CC2D2A: variants seen among roughly 807,000 people sequenced by gnomAD.
CC2D2A encodes coiled-coil and C2 domain containing 2A.
In CC2D2A, 155 loss-of-function variants were observed where a neutral mutation model predicts 212.9. The ratio of observed to expected loss-of-function variants is 0.73; its 90% CI spans 0.64 to 0.83. The LOEUF (loss-of-function observed/expected upper bound fraction) is 0.83, where lower values mean the gene tolerates loss of function less well. Among genes scored for constraint, CC2D2A ranks in the 40% least tolerant of loss-of-function variants. CC2D2A has a pLI of 0.00. For synonymous variants in CC2D2A, 667 were observed against 686.5 expected (o/e 0.97, Z 0.44); for missense variants, 1,856 against 1,956.2 (o/e 0.95, Z 0.97).
In CC2D2A at chr4:15,538,019, G is replaced by A. The variant is rs1306872313; in HGVS notation, c.1885G>A (p.Val629Met). ...PSPPEPTDRA[V>M]IEQEVRERAA... is the part of the protein sequence containing the mutation. ...CCCTCCAGAGCCCACTGATCGGGCA[G>A]TGATAGAGCAGGAGGTGAGGGAGAG... is the stretch of plus-strand genomic sequence containing the variant. Residue 629 changes from valine to methionine, a missense_variant, in exon 16 of 37, where the codon GTG becomes ATG. Physicochemically the swap from Val to Met is conservative, Grantham distance 21. This residue lies in a region of CC2D2A where 1,512 missense variants were observed against 1,579.3 expected (regional missense o/e 0.96). Coordinates refer to ENST00000424120, the MANE Select transcript of CC2D2A (RefSeq NM_001378615.1). 2 of 1,609,058 alleles carry A rather than the reference G, an allele frequency of 1.2e-6. No homozygotes were observed. Among genetic ancestry groups the A allele is most frequent in the Non-Finnish European group, 1.7e-6 (2 of 1,177,898 alleles).
Position 15,550,855 on chromosome 4 carries a change from C to T in CC2D2A, c.2213C>T (p.Thr738Ile). 8 of 1,594,444 alleles carry T rather than the reference C, an allele frequency of 5.0e-6. No homozygotes were observed. Among genetic ancestry groups the T allele is most frequent in the Non-Finnish European group, 6.9e-6 (8 of 1,164,800 alleles). Residue 738 changes from threonine (T) to isoleucine (I), a missense_variant, in exon 18 of 37, where the codon ACC (threonine) becomes ATC (isoleucine). By Grantham distance (89) the Thr-to-Ile change is moderately conservative. Coordinates refer to ENST00000424120, the MANE Select transcript of CC2D2A (RefSeq NM_001378615.1). The stretch of plus-strand genomic sequence containing the variant: ...GAAACTGTCGGACACAGTAGTCCCA[C>T]CTTGCTAGCAGAAGTGTTTCTGCCT... ...VYETVGHSSP[T>I]LLAEVFLPIP...
In CC2D2A at chr4:15,563,589, C is replaced by G. The variant is rs574134337; in HGVS notation, c.3182+67C>G. 1.2e-5 allele frequency: 18 copies of G among 1,489,274 alleles called. No individual in the cohort carries two copies. The Admixed American group carries it at 3.2e-4, about 27-fold the overall frequency. 92.3% of individuals were successfully genotyped at this position (1,489,274 alleles called of 1,614,324 possible). ...CCCAGCCAAGTCAATCGCTCCTTTACAGCATACTCACTCTCATTCTTAACG... is the reference window on the plus strand; with the variant it reads ...CCCAGCCAAGTCAATCGCTCCTTTAGAGCATACTCACTCTCATTCTTAACG... On this transcript the variant is annotated intron_variant, in intron 24 of 36. Transcript: ENST00000424120.
chr4:15,494,035 T>G (rs1046238274), intron 4 of CC2D2A, among the ~76,000 whole-genome samples: 2 of 152,190 alleles, frequency 1.3e-5, no homozygotes, highest in African/African-American at 4.8e-5. Context: ...CCTGAATACC[T>G]GTTAATATTT....
At chr4:15,599,501 A>G (rs1721478911) in intron 35 of CC2D2A, 28 bp from the exon 36 acceptor site, 3 of 1,465,944 alleles carry the variant, frequency 2.0e-6, no homozygotes, top group Non-Finnish European at 1.8e-6. Flanking sequence ...TGAGTCACCA[A>G]AAAATGGAAT....
At chr4:15,576,346 T>C in intron 29 of CC2D2A, 4 of 982,436 alleles carry the variant, frequency 4.1e-6, no homozygotes, top group Non-Finnish European at 4.8e-6. Context: ...CCTGGAATTG[T>C]TTTTCCACTT....
chr4:15,551,216 C>T (rs1008926470), intron 18 of CC2D2A, among the ~76,000 whole-genome samples: 2 of 152,192 alleles, frequency 1.3e-5, no homozygotes, highest in African/African-American at 2.4e-5. Context: ...AGTTGAGAAC[C>T]TTGAAAATGA....
At position 15,560,586 on chromosome 4, in the gene CC2D2A, C is replaced by A. The variant is rs748958736; in HGVS notation, c.2978C>A (p.Ala993Asp). Reference protein sequence around the residue: ...FLIAKQYFLLADMIVEEEVPN... With the variant: ...FLIAKQYFLLDDMIVEEEVPN... ...ATTGCAAAACAATATTTTCTTCTTGCTGATATGATAGTAGAAGAAGAAGTT... is the reference window on the plus strand; with the variant it reads ...ATTGCAAAACAATATTTTCTTCTTGATGATATGATAGTAGAAGAAGAAGTT... Residue 993 changes from alanine to aspartate, a missense_variant, in exon 23 of 37, where the codon GCT becomes GAT. By Grantham distance (126) the Ala-to-Asp change is moderately radical (BLOSUM62 -2). Coordinates refer to ENST00000424120, the MANE Select transcript of CC2D2A (RefSeq NM_001378615.1). 2.6e-6 allele frequency: 4 copies of A among 1,513,906 alleles called. No individual in the cohort carries two copies. Among genetic ancestry groups the A allele is most frequent in the Non-Finnish European group, 3.6e-6 (4 of 1,101,468 alleles). 93.8% of individuals were successfully genotyped at this position (1,513,906 alleles called of 1,614,324 possible).
At chr4:15,564,136 G>A (rs571540032) in intron 24 of CC2D2A, 1 of 152,502 alleles carries the variant, frequency 6.6e-6, no homozygotes, top group Admixed American at 6.5e-5. Flanking sequence ...AATGTGTTAC[G>A]ACTACTAGAA....
intron 24 of CC2D2A, among the ~76,000 whole-genome samples, chr4:15,566,278 C>T (rs532363448): frequency 2.3e-4 from 35 of 152,162 alleles, no homozygotes; most frequent in Non-Finnish European, 4.6e-4. Flanking sequence ...CCTGGTGAGG[C>T]TTGGCAGGCC....
rs754824046 is a variant in CC2D2A at position 15,567,722 on chromosome 4, T to G, written c.3334T>G (p.Cys1112Gly). The change falls in exon 26 of 37, where the codon TGC becomes GGC. Residue 1112 changes from cysteine to glycine, a missense_variant. Cys to Gly is a radical substitution (Grantham distance 159). This residue lies in a region of CC2D2A where 1,512 missense variants were observed against 1,579.3 expected (regional missense o/e 0.96). Coordinates refer to ENST00000424120, the MANE Select transcript of CC2D2A (RefSeq NM_001378615.1). Reference sequence around the variant, plus strand: ...AGAAGTCTCTTTTCAACGAACAGTTTGCCATACGACTACGGCTGAAGGACC... The same window carrying G: ...AGAAGTCTCTTTTCAACGAACAGTTGGCCATACGACTACGGCTGAAGGACC... ...FVEVSFQRTV[C>G]HTTTAEGPNP... 1 of 1,605,638 alleles carries G rather than the reference T, an allele frequency of 6.2e-7. No homozygotes were observed. Among genetic ancestry groups the G allele is most frequent in the South Asian group, 1.1e-5 (1 of 88,650 alleles).
At chr4:15,589,769 A>G in intron 33 of CC2D2A, 90 bp downstream of exon 33, 1 of 601,718 alleles carries the variant, frequency 1.7e-6, no homozygotes, top group Non-Finnish European at 2.3e-6. Context: ...TGTAACCAAA[A>G]TATTTATATA....
chr4:15,473,085 TGGCTATG>T (rs1028436814), intron 1 of CC2D2A: 4 of 152,218 alleles, frequency 2.6e-5, no homozygotes, highest in African/African-American at 9.7e-5. Flanking sequence ...TCCCAGAATG[TGGCTATG>T]GAACCACAGC....
chr4:15,475,965 T>G lies in CC2D2A; in HGVS notation c.33T>G (p.Ile11Met), dbSNP rs1560386272. 1 of 1,590,244 alleles carries G rather than the reference T, an allele frequency of 6.3e-7. No homozygotes were observed. The change falls in exon 2 of 37, where the codon ATT (isoleucine) becomes ATG (methionine). Residue 11 changes from isoleucine to methionine, a missense_variant. Physicochemically the swap from Ile to Met is conservative, Grantham distance 10 (BLOSUM62 1). This residue lies in a region of CC2D2A where 1,512 missense variants were observed against 1,579.3 expected (regional missense o/e 0.96). Transcript: ENST00000424120. MNPREEKVKIITEEFIENDED... is the reference protein window; with the variant it reads MNPREEKVKIMTEEFIENDED... ...CCAGGGAAGAAAAAGTAAAAATAAT[T>G]ACAGAGGTAAGTGGCCACTTTGATG...
rs756623039 is a variant in CC2D2A, at chr4:15,576,825, TGTTA to T, written c.3771+2505_3771+2508del. Among the ~76,000 whole-genome samples, 44 of 152,334 alleles carry T rather than the reference TGTTA, an allele frequency of 2.9e-4. No homozygotes were observed. The South Asian group carries it at 3.1e-3, about 11-fold the overall frequency. ...GCCCATTTCATTTTACCAGAAAGAC[TGTTA>T]GTTAGCTTTGAATCTAAGAAGTCAT... On this transcript the variant is annotated intron_variant, in intron 29 of 36. Transcript: ENST00000424120.
chr4:15,546,141 G>A (rs1456496645), intron 17 of CC2D2A, among the ~76,000 whole-genome samples: 1 of 152,036 alleles, frequency 6.6e-6, no homozygotes, highest in African/African-American at 2.4e-5. Context: ...AGAAGGATGA[G>A]ATTGGACTTC....
intron 4 of CC2D2A, among the ~76,000 whole-genome samples, chr4:15,482,892 C>T (rs1714778243): frequency 6.6e-6 from 1 of 152,132 alleles, no homozygotes; most frequent in South Asian, 2.1e-4. Flanking sequence ...CCTTCCCCCA[C>T]AAAAAGCGCT....
At chr4:15,578,635 T>C (rs886708934) in intron 29 of CC2D2A, among the ~76,000 whole-genome samples, 3 of 152,156 alleles carry the variant, frequency 2.0e-5, no homozygotes, top group African/African-American at 7.2e-5. Flanking sequence ...TTAAAATTAT[T>C]ATTCTTTTTT....
At chr4:15,500,129 A>ATATATG (rs1553823493) in intron 4 of CC2D2A, among the ~76,000 whole-genome samples, 27 of 141,330 alleles carry the variant, frequency 1.9e-4, no homozygotes, top group African/African-American at 6.9e-4. Flanking sequence ...ATATATATAT[A>ATATATG]TATGTATTTT....
At position 15,469,965 on chromosome 4, in the gene CC2D2A, C is replaced by A. The variant is rs1047684002; in HGVS notation, c.-111C>A. ...ATCTCCAACACTCAGCCTTTCCCTC[C>A]GGACCCTTTTAAAAGATTCAACAGC... On this transcript the variant is annotated 5_prime_UTR_variant, in exon 1 of 37. Transcript: ENST00000424120. 4 of 152,224 alleles carry A rather than the reference C, an allele frequency of 2.6e-5. No individual in the cohort carries two copies. The highest frequency in any genetic ancestry group is 7.2e-5 in the African/African-American group (3 of 41,438). The allele number at this position is 152,224 out of a possible 1,614,324, so 9.4% of individuals were successfully genotyped here. A position where few individuals can be genotyped will look rare whatever the true frequency, so the allele number is the denominator to read the frequency against.
Sources: allele counts gnomAD v4.1 joint callset (sites outside exome capture counted in the v4.1 genomes callset), GRCh38; gene constraint gnomAD v4.1.1; regional missense constraint gnomAD v4.1.1; transcripts MANE v1.5; gene names NCBI Gene and HGNC (gene_info 2026-07-23, HGNC 2026-07-21).